Variants in DLG2 observed in about 807,000 individuals in gnomAD.
DLG2 encodes disks large homolog 2.
A neutral mutation model predicts 132.5 loss-of-function variants in DLG2; 45 were observed. The observed-to-expected ratio is 0.34, with a 90% CI of 0.27 to 0.44. The LOEUF is 0.44. DLG2 is among the 20% of genes least tolerant of loss of function. DLG2 has a pLI of 1.00. For missense variants in DLG2, 1,045 were observed against 1,196.9 expected (o/e 0.87, Z 1.87); for synonymous variants, 424 against 419.6 (o/e 1.01, Z -0.13).
At chr11:84,649,702 A>C (rs2099679210) in intron 6 of DLG2, among the ~76,000 whole-genome samples, 1 of 152,196 alleles carries the variant, frequency 6.6e-6, no homozygotes, top group African/African-American at 2.4e-5. Context: ...CTGCAGCAAA[A>C]TAGTGAGGTG....
chr11:84,865,117 T>C, intron 6 of DLG2, among the ~76,000 whole-genome samples: 1 of 152,254 alleles, frequency 6.6e-6, no homozygotes, highest in East Asian at 1.9e-4. Context: ...TACTCTCTAT[T>C]ACGAAGCAAC....
Position 84,579,188 on chromosome 11 carries a change from CGTGTGTGT to C in DLG2, c.358-44465_358-44458del, listed in dbSNP as rs140667305. 4.4e-4 allele frequency among the ~76,000 whole-genome samples: 64 copies of C among 145,698 alleles called. No individual in the cohort carries two copies. The East Asian group carries it at 0.011, about 24-fold the overall frequency. ...GAACTAATACACCTTGCATTATTCA[CGTGTGTGT>C]GTGTGTGTGTGTGTGTGTGTGTGTG... is the stretch of plus-strand genomic sequence containing the variant. On this transcript the variant is annotated intron_variant, in intron 6 of 27. Coordinates refer to ENST00000376104, the MANE Select transcript of DLG2 (RefSeq NM_001142699.3).
At chr11:84,600,222 A>AAGAAAGAAAGAG (rs2099573488) in intron 6 of DLG2, among the ~76,000 whole-genome samples, 1 of 121,272 alleles carries the variant, frequency 8.2e-6, no homozygotes, top group Non-Finnish European at 1.7e-5. Context: ...GAAAGAAAGA[A>AAGAAAGAAAGAG]AGAGAAAGAA....
chr11:84,160,011 T>G (rs73517712), intron 9 of DLG2, among the ~76,000 whole-genome samples: 3,694 of 152,254 alleles, frequency 0.024, 150 homozygotes, highest in African/African-American at 0.084. Flanking sequence ...ACTTTGGCCC[T>G]GAGAAGAGGG....
At chr11:85,331,299 G>T (rs1444351347) in intron 3 of DLG2, among the ~76,000 whole-genome samples, 5 of 152,080 alleles carry the variant, frequency 3.3e-5, no homozygotes, top group Non-Finnish European at 7.4e-5. Flanking sequence ...GCCAAAAAAA[G>T]TTCAATATAT....
intron 6 of DLG2, among the ~76,000 whole-genome samples, chr11:84,650,110 A>C (rs1486532378): frequency 6.6e-6 from 1 of 152,192 alleles, no homozygotes; most frequent in Non-Finnish European, 1.5e-5. Context: ...CATGAGCTGA[A>C]AATTACATCT....
intron 6 of DLG2, among the ~76,000 whole-genome samples, chr11:85,001,004 A>G (rs2058154950): frequency 6.6e-6 from 1 of 152,158 alleles, no homozygotes; most frequent in Admixed American, 6.6e-5. Context: ...TTAATAGAAA[A>G]GAACCCCATG....
At chr11:83,910,813 C>A (rs772024880) in intron 15 of DLG2, among the ~76,000 whole-genome samples, 1 of 152,004 alleles carries the variant, frequency 6.6e-6, no homozygotes, top group Non-Finnish European at 1.5e-5. Context: ...CTATCATTGT[C>A]GTGATGATTA....
chr11:85,443,990 C>T (rs2091900134), intron 3 of DLG2, among the ~76,000 whole-genome samples: 1 of 152,124 alleles, frequency 6.6e-6, no homozygotes, highest in African/African-American at 2.4e-5. Flanking sequence ...TTGTTTTTAC[C>T]ATTGTATCAA....
intron 9 of DLG2, among the ~76,000 whole-genome samples, chr11:84,142,760 G>A (rs2094908781): frequency 6.6e-6 from 1 of 152,020 alleles, no homozygotes; most frequent in Non-Finnish European, 1.5e-5. Flanking sequence ...CAGACCTTTG[G>A]TCTCTAGATT....
chr11:85,432,466 A>T (rs1243964512), intron 3 of DLG2, among the ~76,000 whole-genome samples: 1 of 152,158 alleles, frequency 6.6e-6, no homozygotes, highest in African/African-American at 2.4e-5. Context: ...ACTAACTAGA[A>T]TAACCAGTTT....
intron 19 of DLG2, among the ~76,000 whole-genome samples, chr11:83,604,310 C>A (rs2059008852): frequency 2.0e-5 from 3 of 152,136 alleles, no homozygotes; most frequent in African/African-American, 7.2e-5. Flanking sequence ...ATCATCCAGC[C>A]AGCACAGGCA....
chr11:84,925,718 T>C (rs1026079948), intron 6 of DLG2, among the ~76,000 whole-genome samples: 4 of 152,160 alleles, frequency 2.6e-5, no homozygotes, highest in African/African-American at 9.7e-5. Context: ...ATACTGCAAG[T>C]GAGTAGTCCT....
chr11:85,586,222 C>T (rs1273741279), intron 3 of DLG2, among the ~76,000 whole-genome samples: 3 of 150,960 alleles, frequency 2.0e-5, no homozygotes, highest in African/African-American at 7.3e-5. Context: ...TTGGTAAATC[C>T]CAGAATGATT....
At position 83,648,914 on chromosome 11, in the gene DLG2, A is replaced by T. The variant is rs2153510459; in HGVS notation, c.1826-15589T>A. On this transcript the variant is annotated intron_variant, in intron 18 of 27. Transcript: ENST00000376104. ...CTTTTAAAAGTTAAAAAGCAGCAGC[A>T]GTGGCAGCTTCTCAAGGCCAAAGAT... Among the ~76,000 whole-genome samples, 3 of 152,352 alleles carry T rather than the reference A, an allele frequency of 2.0e-5. No individual in the cohort carries two copies. In the Middle Eastern group the frequency reaches 0.01, roughly 518 times the overall value.
At chr11:84,043,621 C>T (rs947405655) in intron 11 of DLG2, among the ~76,000 whole-genome samples, 2 of 151,722 alleles carry the variant, frequency 1.3e-5, no homozygotes, top group African/African-American at 4.8e-5. Flanking sequence ...AATCAATACT[C>T]CTTGGGCCAC....
chr11:85,480,435 A>G (rs1326902929), intron 3 of DLG2, among the ~76,000 whole-genome samples: 2 of 152,222 alleles, frequency 1.3e-5, no homozygotes, highest in African/African-American at 2.4e-5. Context: ...AACAGGAGCT[A>G]CAAGTATCCA....
intron 8 of DLG2, among the ~76,000 whole-genome samples, chr11:84,248,256 C>A (rs529907981): frequency 6.6e-6 from 1 of 151,904 alleles, no homozygotes; most frequent in Non-Finnish European, 1.5e-5. Flanking sequence ...TTTTCTACAT[C>A]GGGGAAGGTA....
intron 6 of DLG2, among the ~76,000 whole-genome samples, chr11:84,666,828 G>A (rs1237322940): frequency 6.6e-6 from 1 of 151,976 alleles, no homozygotes; most frequent in East Asian, 1.9e-4. Flanking sequence ...CCTAAGGACA[G>A]ATAACCAAGA....
Sources: allele counts gnomAD v4.1 joint callset (sites outside exome capture counted in the v4.1 genomes callset), GRCh38; gene constraint gnomAD v4.1.1; transcripts MANE v1.5; gene names NCBI Gene and HGNC (gene_info 2026-07-23, HGNC 2026-07-21).